PTPN14: variants seen among roughly 807,000 people sequenced by gnomAD.
PTPN14 encodes tyrosine-protein phosphatase non-receptor type 14.
Under a neutral mutation model 126.8 loss-of-function variants are expected in PTPN14, and 53 were observed. The ratio of observed to expected loss-of-function variants is 0.42; its 90% CI spans 0.34 to 0.53. PTPN14 has a LOEUF of 0.53. Among genes scored for constraint, PTPN14 ranks in the 20% least tolerant of loss-of-function variants. The pLI is 0.08. For synonymous variants in PTPN14, 630 were observed against 599.3 expected (o/e 1.05, Z -0.75); for missense variants, 1,257 against 1,552.9 (o/e 0.81, Z 3.20).
chr1:214,388,335 G>C (rs190448780), intron 11 of PTPN14, among the ~76,000 whole-genome samples: 7 of 152,012 alleles, frequency 4.6e-5, no homozygotes, highest in Admixed American at 2.0e-4. Flanking sequence ...TTTGATTTGC[G>C]GGGGAAAAAA....
At position 214,473,580 on chromosome 1, in the gene PTPN14, T is replaced by G. The variant is rs185967700; in HGVS notation, c.-154-8623A>C. ...CATACTATTACAACTCCCAAGGACA[T>G]CTCACAGAGCTATGTAATCTTGGTG... On this transcript the variant is annotated intron_variant, in intron 1 of 18. Coordinates refer to ENST00000366956, the MANE Select transcript of PTPN14 (RefSeq NM_005401.5). 1.9e-3 allele frequency among the ~76,000 whole-genome samples: 284 copies of G among 152,324 alleles called. 3 individuals are homozygous for G. The highest frequency in any genetic ancestry group is 6.4e-3 in the African/African-American group (264 of 41,574).
intron 3 of PTPN14, among the ~76,000 whole-genome samples, chr1:214,442,369 G>A (rs2102622215): frequency 6.6e-6 from 1 of 152,296 alleles, no homozygotes; most frequent in East Asian, 1.9e-4. Context: ...GTACATTATA[G>A]ATTTTGAATT....
intron 18 of PTPN14, among the ~76,000 whole-genome samples, chr1:214,360,580 TGAAGATAAAAGAATAGA>T (rs574115947): frequency 3.8e-4 from 58 of 152,270 alleles, no homozygotes; most frequent in African/African-American, 1.3e-3. Flanking sequence ...GGTTGGGCAC[TGAAGATAAAAGAATAGA>T]GAGAATAAGG....
intron 1 of PTPN14, among the ~76,000 whole-genome samples, chr1:214,474,436 C>T (rs1660826248): frequency 6.6e-6 from 1 of 152,140 alleles, no homozygotes; most frequent in African/African-American, 2.4e-5. Flanking sequence ...AGACAAGGGG[C>T]TGTCATTACA....
chr1:214,542,078 T>C (rs527525091), intron 1 of PTPN14, among the ~76,000 whole-genome samples: 7 of 152,336 alleles, frequency 4.6e-5, no homozygotes, highest in East Asian at 3.9e-4. Context: ...TTTATCCTTC[T>C]GGTATTTCCT....
chr1:214,423,418 T>G (rs545652550), intron 3 of PTPN14, among the ~76,000 whole-genome samples: 2 of 152,256 alleles, frequency 1.3e-5, no homozygotes, highest in South Asian at 2.1e-4. Flanking sequence ...GACCACAGAC[T>G]CTGTATGGAT....
At chr1:214,433,951 CAAAAAAA>C (rs1158472144) in intron 3 of PTPN14, among the ~76,000 whole-genome samples, 12,842 of 98,352 alleles carry the variant, frequency 0.13, 791 homozygotes, top group South Asian at 0.22. Flanking sequence ...CACACACACA[CAAAAAAA>C]AAAAAAAAAA....
chr1:214,349,591 A>G lies in PTPN14; in HGVS notation c.*8331T>C, dbSNP rs907694662. On this transcript the variant is annotated 3_prime_UTR_variant, in exon 19 of 19. Coordinates refer to ENST00000366956, the MANE Select transcript of PTPN14 (RefSeq NM_005401.5). ...TGTTACTTGATGTAACACAAGTTAC[A>G]TAAGGTTACACATTTATTAGTAATT... 3 of 152,268 alleles carry G rather than the reference A, an allele frequency of 2.0e-5. No individual in the cohort carries two copies. Among genetic ancestry groups the G allele is most frequent in the Admixed American group, 6.5e-5 (1 of 15,290 alleles). The allele number at this position is 152,268 out of a possible 1,614,324, so 9.4% of individuals were successfully genotyped here. A position where few individuals can be genotyped will look rare whatever the true frequency, so the allele number is the denominator to read the frequency against.
rs532350857 is a variant in PTPN14 at position 214,354,664 on chromosome 1, G to A, written c.*3258C>T. On this transcript the variant is annotated 3_prime_UTR_variant, in exon 19 of 19. Coordinates refer to ENST00000366956, the MANE Select transcript of PTPN14 (RefSeq NM_005401.5). The stretch of plus-strand genomic sequence containing the variant: ...ACAAGGATGAATACCTCGGGTCAAT[G>A]TATCCAAATGAGTGTGGATGAAAGA... The A allele has an allele frequency of 9.8e-5, 15 of 152,346 alleles. No homozygotes were observed. Among genetic ancestry groups the A allele is most frequent in the African/African-American group, 2.9e-4 (12 of 41,586 alleles). 9.4% of individuals were successfully genotyped at this position (152,346 alleles called of 1,614,324 possible).
chr1:214,475,041 G>A (rs1362241415), intron 1 of PTPN14, among the ~76,000 whole-genome samples: 1 of 152,202 alleles, frequency 6.6e-6, no homozygotes, highest in African/African-American at 2.4e-5. Context: ...GGCTGCAGAT[G>A]AGGCACCACT....
At chr1:214,398,158 T>C (rs946148920) in intron 7 of PTPN14, among the ~76,000 whole-genome samples, 157 bp from the exon 8 acceptor site, 1 of 152,236 alleles carries the variant, frequency 6.6e-6, no homozygotes, top group Admixed American at 6.5e-5. Context: ...CATTCAGCCT[T>C]AAAACAGAAT....
At position 214,378,107 on chromosome 1, in the gene PTPN14, C is replaced by A. The variant is rs745887140; in HGVS notation, c.2545-5G>T. ...CATCTTCTGCTTCTCTAGATTCTTGCGGCAAGAAAAGGCATGTGCTCATTG... is the reference window on the plus strand; with the variant it reads ...CATCTTCTGCTTCTCTAGATTCTTGAGGCAAGAAAAGGCATGTGCTCATTG... On this transcript the variant is annotated splice_region_variant and splice_polypyrimidine_tract_variant and intron_variant, in intron 13 of 18. Coordinates refer to ENST00000366956, the MANE Select transcript of PTPN14 (RefSeq NM_005401.5). 4 of 1,605,910 alleles carry A rather than the reference C, an allele frequency of 2.5e-6. No homozygotes were observed. Among genetic ancestry groups the A allele is most frequent in the Admixed American group, 1.7e-5 (1 of 58,750 alleles).
chr1:214,512,730 T>G (rs1035380947), intron 1 of PTPN14, among the ~76,000 whole-genome samples: 1 of 152,206 alleles, frequency 6.6e-6, no homozygotes. Context: ...CTCGCTCTGT[T>G]GCCCAGGCTA....
chr1:214,491,617 A>G (rs4130486), intron 1 of PTPN14, among the ~76,000 whole-genome samples: 139,223 of 152,228 alleles, frequency 0.91, 63,773 homozygotes, highest in African/African-American at 0.97. Flanking sequence ...GAGCTCAGGC[A>G]GTACTCACCT....
intron 2 of PTPN14, among the ~76,000 whole-genome samples, chr1:214,458,029 A>G: frequency 6.8e-6 from 1 of 148,050 alleles, no homozygotes; most frequent in South Asian, 2.1e-4. Context: ...CTATATCTAT[A>G]TCTATACCTA....
At chr1:214,372,316 CTA>C (rs1658237885) in intron 16 of PTPN14, 1 of 228,646 alleles carries the variant, frequency 4.4e-6, no homozygotes, top group Non-Finnish European at 8.7e-6. Flanking sequence ...AGTTGGGCGT[CTA>C]TGTCGATTTG....
chr1:214,355,822 C>T lies in PTPN14; in HGVS notation c.*2100G>A, dbSNP rs534226662. 6.6e-6 allele frequency: 1 copy of T among 152,182 alleles called. No homozygotes were observed. The highest frequency in any genetic ancestry group is 2.1e-4 in the South Asian group (1 of 4,818). The allele number at this position is 152,182 out of a possible 1,614,324, so 9.4% of individuals were successfully genotyped here. On this transcript the variant is annotated 3_prime_UTR_variant, in exon 19 of 19. Coordinates refer to ENST00000366956, the MANE Select transcript of PTPN14 (RefSeq NM_005401.5). ...TCTGGTTGATTTGATGTCACTCCATCTTTTTAGCTCACGGGGGACAAAAGC... is the reference window on the plus strand; with the variant it reads ...TCTGGTTGATTTGATGTCACTCCATTTTTTTAGCTCACGGGGGACAAAAGC...
intron 3 of PTPN14, among the ~76,000 whole-genome samples, chr1:214,450,243 G>A (rs762298941): frequency 6.6e-5 from 10 of 151,870 alleles, no homozygotes; most frequent in Non-Finnish European, 1.0e-4. Flanking sequence ...AGGCCAAGGC[G>A]GGCAGATCAT....
At chr1:214,422,777 T>C (rs533573010) in intron 3 of PTPN14, among the ~76,000 whole-genome samples, 87 of 152,268 alleles carry the variant, frequency 5.7e-4, no homozygotes, top group African/African-American at 2.0e-3. Context: ...AGATCATCTC[T>C]GTGAATGGGC....
Sources: allele counts gnomAD v4.1 joint callset (sites outside exome capture counted in the v4.1 genomes callset), GRCh38; gene constraint gnomAD v4.1.1; transcripts MANE v1.5; gene names NCBI Gene and HGNC (gene_info 2026-07-23, HGNC 2026-07-21).